The following ADRA1A variants were observed in gnomAD, a reference collection of about 807,000 sequenced individuals.
The protein encoded by ADRA1A is alpha-1A adrenergic receptor.
ADRA1A carries 31 observed loss-of-function variants against 29.6 expected under a neutral mutation model. The observed-to-expected ratio is 1.05, with a 90% CI of 0.79 to 1.41. The LOEUF (loss-of-function observed/expected upper bound fraction) is 1.41. ADRA1A is among the 40% of genes most tolerant of loss of function. The pLI is 0.00. For synonymous variants in ADRA1A, 311 were observed against 254.3 expected (o/e 1.22, Z -2.12); for missense variants, 619 against 601.1 (o/e 1.03, Z -0.31).
At position 26,855,586 on chromosome 8, in the gene ADRA1A, G is replaced by A. The variant is rs1812987969; in HGVS notation, c.883+8501C>T. Among the ~76,000 whole-genome samples, 3 of 152,084 alleles carry A rather than the reference G, an allele frequency of 2.0e-5. No homozygotes were observed. The South Asian group carries it at 6.2e-4, about 32-fold the overall frequency. On this transcript the variant is annotated intron_variant, in intron 2 of 2. Coordinates refer to ENST00000380573, the MANE Select transcript of ADRA1A (RefSeq NM_000680.4). ...ACACACTGGAGCCTGTTGGGGGTTG[G>A]GGGGCAAGAGGAGGGAGAGCATTAG...
intron 2 of ADRA1A, among the ~76,000 whole-genome samples, chr8:26,804,325 A>G (rs890818707): frequency 6.6e-6 from 1 of 152,124 alleles, no homozygotes; most frequent in African/African-American, 2.4e-5. Context: ...GTGTTCAAAG[A>G]GGCTTTATTT....
intron 2 of ADRA1A, among the ~76,000 whole-genome samples, chr8:26,843,570 G>C (rs1238459333): frequency 6.6e-6 from 1 of 152,162 alleles, no homozygotes; most frequent in Non-Finnish European, 1.5e-5. Flanking sequence ...CTATGAGGCA[G>C]TTAAAACTAT....
downstream of ADRA1A, chr8:26,766,123 G>A: frequency 6.2e-7 from 1 of 1,612,818 alleles, no homozygotes; most frequent in Non-Finnish European, 8.5e-7. Context: ...TGCAATTCTT[G>A]GTGAAATATC....
chr8:26,837,578 G>A (rs377020249), intron 2 of ADRA1A, among the ~76,000 whole-genome samples: 1 of 151,814 alleles, frequency 6.6e-6, no homozygotes, highest in African/African-American at 2.4e-5. Context: ...TTGAGCCTGG[G>A]AGGTGGAAGT....
At chr8:26,748,933 C>G (rs914344951) in intron 2 of ADRA1A, among the ~76,000 whole-genome samples, 1 of 152,032 alleles carries the variant, frequency 6.6e-6, no homozygotes, top group African/African-American at 2.4e-5. Flanking sequence ...TGAAGCTGTC[C>G]CCTCAGCAGG....
chr8:26,784,728 C>T (rs1807250966), intron 2 of ADRA1A, among the ~76,000 whole-genome samples: 2 of 152,126 alleles, frequency 1.3e-5, no homozygotes, highest in Non-Finnish European at 2.9e-5. Context: ...TGGCATGACT[C>T]TATTTTCCTA....
chr8:26,755,770 C>T (rs1473093162), downstream of ADRA1A, among the ~76,000 whole-genome samples: 1 of 152,162 alleles, frequency 6.6e-6, no homozygotes, highest in Non-Finnish European at 1.5e-5. Context: ...ATTCTCCACC[C>T]CCTGGACTTG....
At chr8:26,786,326 C>T (rs1006737969) in intron 2 of ADRA1A, among the ~76,000 whole-genome samples, 1 of 152,060 alleles carries the variant, frequency 6.6e-6, no homozygotes, top group African/African-American at 2.4e-5. Context: ...CCTTCGCCTC[C>T]CAGGCTCAAG....
At chr8:26,836,890 G>A (rs1811408337) in intron 2 of ADRA1A, among the ~76,000 whole-genome samples, 1 of 152,160 alleles carries the variant, frequency 6.6e-6, no homozygotes, top group South Asian at 2.1e-4. Context: ...GGTCCCTTCA[G>A]ACTGTGTGCC....
chr8:26,856,869 C>G (rs1202671728), intron 2 of ADRA1A, among the ~76,000 whole-genome samples: 1 of 152,170 alleles, frequency 6.6e-6, no homozygotes, highest in East Asian at 1.9e-4. Context: ...TGGTTTTACT[C>G]AGTGCATTGC....
chr8:26,860,808 C>A lies in ADRA1A; in HGVS notation c.883+3279G>T, dbSNP rs1180519185. Among the ~76,000 whole-genome samples, 1 of 152,092 alleles carries A rather than the reference C, an allele frequency of 6.6e-6. No individual in the cohort carries two copies. The highest frequency in any genetic ancestry group is 1.5e-5 in the Non-Finnish European group (1 of 68,022). Reference sequence around the variant, plus strand: ...AATCCCGTTGCCTCTTTTGCCTATCCCATCAGTGCCTCTCTCTATCCCATC... The same window carrying A: ...AATCCCGTTGCCTCTTTTGCCTATCACATCAGTGCCTCTCTCTATCCCATC... On this transcript the variant is annotated intron_variant, in intron 2 of 2. Transcript: ENST00000380573. The surrounding 1 kb of genome is among the most constrained non-coding windows in gnomAD (Gnocchi z 4.7).
At chr8:26,752,720 A>T (rs1171654238), downstream of ADRA1A, among the ~76,000 whole-genome samples, 2 of 152,162 alleles carry the variant, frequency 1.3e-5, no homozygotes. Context: ...GAAAATAATG[A>T]TCCCTCTTCA....
intron 2 of ADRA1A, among the ~76,000 whole-genome samples, chr8:26,856,278 G>A (rs1350573748): frequency 1.3e-5 from 2 of 152,126 alleles, no homozygotes; most frequent in Non-Finnish European, 1.5e-5. Flanking sequence ...TAAATGGCAC[G>A]GTAGAAGGAT....
chr8:26,748,551 C>T, exon 3 of ADRA1A: 1 of 361,932 alleles, frequency 2.8e-6, no homozygotes, highest in Non-Finnish European at 5.4e-6. Flanking sequence ...TCATCCTGGC[C>T]AACATGGTGA....
intron 2 of ADRA1A, among the ~76,000 whole-genome samples, chr8:26,858,498 A>G (rs1239462965): frequency 6.6e-6 from 1 of 152,204 alleles, no homozygotes; most frequent in Non-Finnish European, 1.5e-5. Flanking sequence ...GCTGACCTAT[A>G]TAACATCCCC....
At chr8:26,765,728 T>C, downstream of ADRA1A, 1 of 985,614 alleles carries the variant, frequency 1.0e-6, no homozygotes, top group Non-Finnish European at 1.2e-6. Flanking sequence ...GCAGAGCTCT[T>C]TCTTTAATTA....
intron 2 of ADRA1A, among the ~76,000 whole-genome samples, chr8:26,810,765 G>A (rs73231559): frequency 0.12 from 18,023 of 152,094 alleles, 1,331 homozygotes; most frequent in Middle Eastern, 0.21. Flanking sequence ...ACACATCTTT[G>A]TTCCTTGGAT....
chr8:26,803,109 G>A (rs1808711610), intron 2 of ADRA1A, among the ~76,000 whole-genome samples: 1 of 152,036 alleles, frequency 6.6e-6, no homozygotes, highest in African/African-American at 2.4e-5. Context: ...ATGGGAAATG[G>A]GGATGGTTAA....
chr8:26,820,739 T>C (rs1810106839), intron 2 of ADRA1A, among the ~76,000 whole-genome samples: 1 of 152,182 alleles, frequency 6.6e-6, no homozygotes, highest in Non-Finnish European at 1.5e-5. Context: ...TCTGGGAAAA[T>C]GCAGCTTCTA....
Sources: allele counts gnomAD v4.1 joint callset (sites outside exome capture counted in the v4.1 genomes callset), GRCh38; gene constraint gnomAD v4.1.1; non-coding constraint Gnocchi (gnomAD v3.1); transcripts MANE v1.5; gene names NCBI Gene and HGNC (gene_info 2026-07-23, HGNC 2026-07-21).